OPCML: variants seen among roughly 807,000 people sequenced by gnomAD.
OPCML encodes the protein opioid binding protein/cell adhesion molecule like, also known as opioid-binding protein/cell adhesion molecule.
Under a neutral mutation model 37.8 loss-of-function variants are expected in OPCML, and 13 were observed. The observed-to-expected ratio is 0.34, with a 90% CI of 0.22 to 0.55. The LOEUF (loss-of-function observed/expected upper bound fraction) is 0.55. Ranked by LOEUF, OPCML falls within the 20% of genes least tolerant of loss-of-function variation. The pLI, the probability that OPCML is intolerant of heterozygous loss-of-function variation, is 0.91. For synonymous variants in OPCML, 176 were observed against 168.8 expected (o/e 1.04, Z -0.33); for missense variants, 341 against 435.6 (o/e 0.78, Z 1.93).
At chr11:132,500,654 C>T (rs746368192) in intron 4 of OPCML, among the ~76,000 whole-genome samples, 1 of 152,076 alleles carries the variant, frequency 6.6e-6, no homozygotes, top group Non-Finnish European at 1.5e-5. Flanking sequence ...TGGTTTGCTG[C>T]ACCTATCAAC....
chr11:133,410,724 C>A (rs1273952033), intron 1 of OPCML, among the ~76,000 whole-genome samples: 1 of 136,288 alleles, frequency 7.3e-6, no homozygotes, highest in Non-Finnish European at 1.5e-5. Context: ...ACAAAGCAAG[C>A]AGTAGCAAGT....
Position 132,525,267 on chromosome 11 carries a change from G to C in OPCML, c.505+3794C>G, listed in dbSNP as rs60012339. ...TTTACCTCTTTTCTGTAATTGTAAG[G>C]GGTGAACAGCATGTACTCATATTGC... On this transcript the variant is annotated intron_variant, in intron 4 of 7. Coordinates refer to ENST00000524381, the MANE Select transcript of OPCML (RefSeq NM_001012393.5). Among the ~76,000 whole-genome samples, 677 of 152,090 alleles carry C rather than the reference G, an allele frequency of 4.5e-3. 4 individuals are homozygous for C. Among genetic ancestry groups the C allele is most frequent in the South Asian group, 0.031 (147 of 4,818 alleles).
At chr11:132,442,048 T>G (rs2096037602) in intron 4 of OPCML, among the ~76,000 whole-genome samples, 1 of 152,214 alleles carries the variant, frequency 6.6e-6, no homozygotes, top group African/African-American at 2.4e-5. Flanking sequence ...ACTGCACTTA[T>G]TCTGCTCACA....
chr11:133,356,439 C>A (rs977094528), intron 1 of OPCML, among the ~76,000 whole-genome samples: 1 of 152,138 alleles, frequency 6.6e-6, no homozygotes, highest in Non-Finnish European at 1.5e-5. Context: ...TCTCCACAAT[C>A]GGGGTTAGAC....
intron 1 of OPCML, among the ~76,000 whole-genome samples, chr11:133,428,392 A>G (rs950682394): frequency 6.6e-6 from 1 of 152,222 alleles, no homozygotes; most frequent in Admixed American, 6.5e-5. Context: ...AGGCATTGGT[A>G]GCATGATGAA....
intron 1 of OPCML, among the ~76,000 whole-genome samples, chr11:133,240,205 C>T (rs1160894206): frequency 1.0e-5 from 1 of 96,282 alleles, no homozygotes; most frequent in African/African-American, 4.3e-5. Flanking sequence ...TACTCCCACA[C>T]TTGGGGCAAA....
At chr11:133,442,847 G>GACACAC (rs1172128040) in intron 1 of OPCML, among the ~76,000 whole-genome samples, 1 of 151,720 alleles carries the variant, frequency 6.6e-6, no homozygotes, top group African/African-American at 2.4e-5. Flanking sequence ...AGACTAGGAA[G>GACACAC]ACACACAGCA....
intron 1 of OPCML, among the ~76,000 whole-genome samples, chr11:133,382,415 T>C (rs748178144): frequency 2.0e-5 from 3 of 152,126 alleles, no homozygotes; most frequent in African/African-American, 4.8e-5. Context: ...AGGAGGGGCA[T>C]TGGCCAATCA....
intron 1 of OPCML, among the ~76,000 whole-genome samples, chr11:132,951,401 ACT>A (rs1268264571): frequency 1.3e-5 from 2 of 151,322 alleles, no homozygotes; most frequent in East Asian, 3.9e-4. Context: ...GGGGAAGAAA[ACT>A]CTCTCTGTTC....
chr11:133,435,536 G>A (rs1309453604), intron 1 of OPCML, among the ~76,000 whole-genome samples: 1 of 152,098 alleles, frequency 6.6e-6, no homozygotes, highest in African/African-American at 2.4e-5. Flanking sequence ...TTCCATTTGT[G>A]GAATTGTAAC....
intron 1 of OPCML, among the ~76,000 whole-genome samples, chr11:133,187,376 G>A (rs1343323426): frequency 6.6e-6 from 1 of 152,066 alleles, no homozygotes; most frequent in African/African-American, 2.4e-5. Flanking sequence ...AAGAACTACT[G>A]GTTGGGATGA....
chr11:133,238,983 C>T (rs563324540), intron 1 of OPCML, among the ~76,000 whole-genome samples: 13 of 152,236 alleles, frequency 8.5e-5, no homozygotes, highest in African/African-American at 3.1e-4. Context: ...GTCCTCACTC[C>T]CTGGCCCTAG....
At chr11:132,503,980 T>C (rs760178560) in intron 4 of OPCML, among the ~76,000 whole-genome samples, 3 of 152,192 alleles carry the variant, frequency 2.0e-5, no homozygotes, top group Admixed American at 2.0e-4. Flanking sequence ...TGCACCTTTG[T>C]TAAAAGCAAG....
intron 1 of OPCML, among the ~76,000 whole-genome samples, chr11:133,288,786 C>T (rs1476464450): frequency 6.6e-6 from 1 of 152,092 alleles, no homozygotes; most frequent in African/African-American, 2.4e-5. Flanking sequence ...TGCGAGAGAC[C>T]TCTGCTTTCT....
intron 1 of OPCML, among the ~76,000 whole-genome samples, chr11:133,135,921 G>A (rs866326439): frequency 1.8e-4 from 27 of 152,220 alleles, no homozygotes; most frequent in Non-Finnish European, 1.0e-4. Context: ...ACCCAAGTTG[G>A]AAAGTTGCCA....
chr11:133,233,399 GT>G (rs577313489), intron 1 of OPCML, among the ~76,000 whole-genome samples: 441 of 152,296 alleles, frequency 2.9e-3, no homozygotes, highest in African/African-American at 9.5e-3. Context: ...TAAGAGAAAG[GT>G]GCCCTCCCTG....
chr11:133,005,285 T>C, intron 1 of OPCML: 5 of 984,888 alleles, frequency 5.1e-6, no homozygotes, highest in Non-Finnish European at 6.0e-6. Flanking sequence ...ATAGCCAGAA[T>C]GAATGAATGA....
chr11:132,646,414 T>C (rs1941154130), intron 3 of OPCML, among the ~76,000 whole-genome samples: 1 of 152,208 alleles, frequency 6.6e-6, no homozygotes, highest in Admixed American at 6.5e-5. Flanking sequence ...TTGACTTGAC[T>C]TCATTGTCAA....
chr11:132,514,690 G>A (rs1216757213), intron 4 of OPCML, among the ~76,000 whole-genome samples: 3 of 152,124 alleles, frequency 2.0e-5, no homozygotes, highest in Non-Finnish European at 4.4e-5. Flanking sequence ...CTGCTTTCAT[G>A]CCTTCTGGGA....
Sources: allele counts gnomAD v4.1 joint callset (sites outside exome capture counted in the v4.1 genomes callset), GRCh38; gene constraint gnomAD v4.1.1; transcripts MANE v1.5; gene names NCBI Gene and HGNC (gene_info 2026-07-23, HGNC 2026-07-21).